The following UBE2E1 variants were observed in gnomAD, a reference collection of about 807,000 sequenced individuals.
UBE2E1 encodes ubiquitin-conjugating enzyme E2 E1.
Under a neutral mutation model 21.4 loss-of-function variants are expected in UBE2E1, and 6 were observed. The observed-to-expected ratio is 0.28, with a 90% CI of 0.15 to 0.55. The LOEUF is 0.55. Ranked by LOEUF, UBE2E1 falls within the 20% of genes least tolerant of loss-of-function variation. The pLI is 0.93. For missense variants in UBE2E1, 142 were observed against 236.5 expected, an observed-to-expected ratio of 0.60 and a Z score of 2.62; for synonymous variants, 87 against 82.7, an observed-to-expected ratio of 1.05 and a Z score of -0.28.
intron 3 of UBE2E1, among the ~76,000 whole-genome samples, chr3:23,829,790 A>G (rs1353236115): frequency 6.6e-6 from 1 of 152,228 alleles, no homozygotes; most frequent in African/African-American, 2.4e-5. Context: ...CTTTCTATAA[A>G]TAAGAGATGT....
chr3:23,827,353 G>A (rs1406405653), intron 3 of UBE2E1, among the ~76,000 whole-genome samples: 3 of 152,156 alleles, frequency 2.0e-5, no homozygotes, highest in African/African-American at 7.2e-5. Context: ...ATTCTGGACA[G>A]CTTTTTAGAT....
chr3:23,807,313 C>G lies in UBE2E1; in HGVS notation c.44C>G (p.Ser15Cys). 1 of 1,614,050 alleles carries G rather than the reference C, an allele frequency of 6.2e-7. No individual in the cohort carries two copies. The highest frequency in any genetic ancestry group is 8.5e-7 in the Non-Finnish European group (1 of 1,179,976). The part of the protein sequence containing the change: ...DSRASTSSSS[S>C]SSSNQQTEKE... ...AGGGCCAGCACCAGCTCCTCCTCAT[C>G]TTCGTCTTCCAACCAGCAAACCGAG... The change falls in exon 2 of 6, where the codon TCT becomes TGT. Residue 15 changes from serine to cysteine, a missense_variant. By Grantham distance (112) the Ser-to-Cys change is moderately radical. Around this residue, in one of 2 missense-constraint regions of UBE2E1, gnomAD observed 55 missense variants for 51.5 expected, o/e 1.07. Coordinates refer to ENST00000306627, the MANE Select transcript of UBE2E1 (RefSeq NM_003341.5).
chr3:23,842,195 A>AG lies in UBE2E1; in HGVS notation c.203+30689dup, dbSNP rs35613446. The stretch of plus-strand genomic sequence containing the variant: ...AACTATGTCATGACCCAGTAAGTGA[A>AG]GGGGTGTGTGTGTGTGTGTGTGTGT... On this transcript the variant is annotated intron_variant, in intron 3 of 5. Coordinates refer to ENST00000306627, the MANE Select transcript of UBE2E1 (RefSeq NM_003341.5). The surrounding 1 kb of genome is among the most constrained non-coding windows in gnomAD (Gnocchi z 4.6). 3.3e-3 allele frequency among the ~76,000 whole-genome samples: 130 copies of AG among 39,384 alleles called. 1 individual carries two copies. The highest frequency in any genetic ancestry group is 9.9e-3 in the Admixed American group (38 of 3,830). The allele number at this position is 39,384 out of a possible 152,430, so 25.8% of individuals were successfully genotyped here.
chr3:23,812,534 C>T (rs1049686708), intron 3 of UBE2E1, among the ~76,000 whole-genome samples: 1 of 152,138 alleles, frequency 6.6e-6, no homozygotes, highest in African/African-American at 2.4e-5. Context: ...AAACTATTGC[C>T]GTTTTGGTTA....
intron 3 of UBE2E1, among the ~76,000 whole-genome samples, chr3:23,827,912 TTTCCTCTCTC>T (rs1287107579): frequency 2.6e-5 from 4 of 152,160 alleles, no homozygotes; most frequent in Admixed American, 2.6e-4. Flanking sequence ...TTCCATCTTA[TTTCCTCTCTC>T]TGTAACTTGC....
Position 23,887,444 on chromosome 3 carries a change from T to C in UBE2E1, c.204-123T>C. 1.5e-6 allele frequency: 2 copies of C among 1,328,880 alleles called. No homozygotes were observed. The highest frequency in any genetic ancestry group is 2.8e-5 in the Admixed American group (1 of 35,654). 82.3% of individuals were successfully genotyped at this position (1,328,880 alleles called of 1,614,324 possible). Reference sequence around the variant, plus strand: ...TCTGCATCCGTTTCTGTACTTGTTTTGTAAAGAGAATCCACACAGTAAACA... The same window carrying C: ...TCTGCATCCGTTTCTGTACTTGTTTCGTAAAGAGAATCCACACAGTAAACA... On this transcript the variant is annotated intron_variant, in intron 3 of 5. Coordinates refer to ENST00000306627, the MANE Select transcript of UBE2E1 (RefSeq NM_003341.5). The surrounding 1 kb of genome is among the most constrained non-coding windows in gnomAD (Gnocchi z 4.4).
intron 3 of UBE2E1, among the ~76,000 whole-genome samples, chr3:23,875,824 G>A (rs1160165519): frequency 6.6e-6 from 1 of 152,234 alleles, no homozygotes; most frequent in East Asian, 1.9e-4. Context: ...CCAGGCTGGA[G>A]TGCAGTGGCG....
At chr3:23,883,613 ACTAT>A (rs1279336791) in intron 3 of UBE2E1, among the ~76,000 whole-genome samples, 1 of 152,150 alleles carries the variant, frequency 6.6e-6, no homozygotes, top group African/African-American at 2.4e-5. Context: ...GCTTTAAGTG[ACTAT>A]CTAAAACTTG....
intron 3 of UBE2E1, among the ~76,000 whole-genome samples, chr3:23,841,202 A>G (rs1700077736): frequency 6.6e-6 from 1 of 152,216 alleles, no homozygotes; most frequent in Non-Finnish European, 1.5e-5. Context: ...ATGAGCGAGG[A>G]AAAAAATTAA....
Position 23,891,402 on chromosome 3 carries a change from A to G in UBE2E1, c.*796A>G, listed in dbSNP as rs1007932807. The G allele has an allele frequency of 2.0e-5, 3 of 152,250 alleles. No homozygotes were observed. The highest frequency in any genetic ancestry group is 4.4e-5 in the Non-Finnish European group (3 of 68,044). The allele number at this position is 152,250 out of a possible 1,614,324, so 9.4% of individuals were successfully genotyped here. On this transcript the variant is annotated 3_prime_UTR_variant, in exon 6 of 6. Transcript: ENST00000306627. ...TCGATAGGTATCTGCTTCTAAAACAAGCTAAAAATAATGCATATTTAGTAG... is the reference window on the plus strand; with the variant it reads ...TCGATAGGTATCTGCTTCTAAAACAGGCTAAAAATAATGCATATTTAGTAG...
chr3:23,837,457 T>A (rs892292472), intron 3 of UBE2E1, among the ~76,000 whole-genome samples: 8 of 152,212 alleles, frequency 5.3e-5, no homozygotes, highest in Admixed American at 2.0e-4. Flanking sequence ...ATGTGTTAAC[T>A]GTAAGCTATT....
At chr3:23,815,937 C>T (rs2125282843) in intron 3 of UBE2E1, among the ~76,000 whole-genome samples, 1 of 152,202 alleles carries the variant, frequency 6.6e-6, no homozygotes, top group South Asian at 2.1e-4. Flanking sequence ...TTGTGACAAC[C>T]AGGAGACTGG....
At chr3:23,815,679 C>T (rs1273681140) in intron 3 of UBE2E1, among the ~76,000 whole-genome samples, 1 of 152,200 alleles carries the variant, frequency 6.6e-6, no homozygotes, top group Non-Finnish European at 1.5e-5. Flanking sequence ...TGGAGTGTTA[C>T]ATACCTCGTC....
Position 23,825,594 on chromosome 3 carries a change from C to A in UBE2E1, c.203+14084C>A, listed in dbSNP as rs1010630406. ...AGTAAAATGGCTTGGTGAGTGACTG[C>A]GCAGGTTGGGACATTGGTTGGTGCC... is the stretch of plus-strand genomic sequence containing the variant. On this transcript the variant is annotated intron_variant, in intron 3 of 5. Coordinates refer to ENST00000306627, the MANE Select transcript of UBE2E1 (RefSeq NM_003341.5). 2.0e-5 allele frequency among the ~76,000 whole-genome samples: 3 copies of A among 152,226 alleles called. No individual in the cohort carries two copies. The South Asian group carries it at 6.2e-4, about 32-fold the overall frequency.
intron 3 of UBE2E1, among the ~76,000 whole-genome samples, chr3:23,832,666 C>T (rs1324146438): frequency 6.6e-6 from 1 of 151,970 alleles, no homozygotes; most frequent in Non-Finnish European, 1.5e-5. Flanking sequence ...AGCCGGGAGG[C>T]GAAGGTTACA....
At chr3:23,889,572 ACAAAT>A (rs906283291) in intron 5 of UBE2E1, 33 of 1,363,654 alleles carry the variant, frequency 2.4e-5, no homozygotes, top group African/African-American at 3.0e-5. Flanking sequence ...TTCTTATAAA[ACAAAT>A]CAGACACTTC....
At chr3:23,818,358 C>T (rs577579393) in intron 3 of UBE2E1, among the ~76,000 whole-genome samples, 79 of 152,278 alleles carry the variant, frequency 5.2e-4, no homozygotes, top group African/African-American at 1.9e-3. Context: ...ACTCCCAGAT[C>T]TACATGGCCT....
intron 3 of UBE2E1, among the ~76,000 whole-genome samples, chr3:23,884,477 A>G (rs1701130494): frequency 6.6e-6 from 1 of 152,222 alleles, no homozygotes; most frequent in Non-Finnish European, 1.5e-5. Context: ...GGTGGGGTCT[A>G]GAAATCTTTA....
intron 3 of UBE2E1, among the ~76,000 whole-genome samples, chr3:23,869,026 T>G (rs557097023): frequency 1.2e-4 from 19 of 152,202 alleles, no homozygotes; most frequent in Admixed American, 3.9e-4. Flanking sequence ...TAAGTAAGAG[T>G]CTCCAAAATA....
Sources: allele counts gnomAD v4.1 joint callset (sites outside exome capture counted in the v4.1 genomes callset), GRCh38; gene constraint gnomAD v4.1.1; regional missense constraint gnomAD v4.1.1; non-coding constraint Gnocchi (gnomAD v3.1); transcripts MANE v1.5; gene names NCBI Gene and HGNC (gene_info 2026-07-23, HGNC 2026-07-21).